ROR1: variants seen among roughly 807,000 people sequenced by gnomAD.
ROR1 encodes the protein ROR family WNT receptor 1.
A neutral mutation model predicts 78.8 loss-of-function variants in ROR1; 19 were observed. The observed-to-expected ratio is 0.24, with a 90% CI of 0.17 to 0.35. The LOEUF (loss-of-function observed/expected upper bound fraction) is 0.35. ROR1 is among the 10% of genes least tolerant of loss of function. ROR1 has a pLI of 1.00. For missense variants in ROR1, 917 were observed against 1,177.8 expected (o/e 0.78, Z 3.24); for synonymous variants, 386 against 433.6 (o/e 0.89, Z 1.36).
chr1:63,897,134 G>T (rs192144819), intron 1 of ROR1, among the ~76,000 whole-genome samples: 1 of 152,130 alleles, frequency 6.6e-6, no homozygotes, highest in Non-Finnish European at 1.5e-5. Flanking sequence ...GCCCTTTCAC[G>T]TATTCATCTG....
At chr1:64,057,855 A>T (rs189205786) in intron 4 of ROR1, among the ~76,000 whole-genome samples, 20 of 152,130 alleles carry the variant, frequency 1.3e-4, no homozygotes, top group African/African-American at 4.6e-4. Context: ...TTTTAGGGTC[A>T]GCTTATTAAT....
chr1:63,917,181 A>AT (rs1645615709), intron 1 of ROR1, among the ~76,000 whole-genome samples: 2 of 152,072 alleles, frequency 1.3e-5, no homozygotes, highest in African/African-American at 4.8e-5. Flanking sequence ...ATAATTATAC[A>AT]TTTGTGTGAT....
At chr1:63,810,694 C>T (rs1053249824) in intron 1 of ROR1, among the ~76,000 whole-genome samples, 8 of 152,258 alleles carry the variant, frequency 5.3e-5, no homozygotes, top group Middle Eastern at 3.4e-3. Flanking sequence ...ATGGAGGTAT[C>T]CACGTATGCA....
intron 1 of ROR1, among the ~76,000 whole-genome samples, chr1:63,807,329 G>A (rs1441529372): frequency 1.3e-5 from 2 of 152,202 alleles, no homozygotes; most frequent in African/African-American, 4.8e-5. Context: ...TCTCTCTGGG[G>A]GGAGCAGCTG....
intron 1 of ROR1, among the ~76,000 whole-genome samples, chr1:63,985,069 A>G (rs951901111): frequency 6.6e-6 from 1 of 152,066 alleles, no homozygotes; most frequent in Non-Finnish European, 1.5e-5. Flanking sequence ...GGTGTGTTGA[A>G]CTCTGGACTA....
chr1:63,832,239 G>T (rs1032161963), intron 1 of ROR1, among the ~76,000 whole-genome samples: 1 of 151,994 alleles, frequency 6.6e-6, no homozygotes. Flanking sequence ...TTCTCTGCCC[G>T]TTACCCAGTT....
At chr1:63,985,641 G>A (rs1646244466) in intron 1 of ROR1, among the ~76,000 whole-genome samples, 1 of 151,942 alleles carries the variant, frequency 6.6e-6, no homozygotes, top group African/African-American at 2.4e-5. Context: ...AGCACTTTGG[G>A]AGGCTGAGGC....
intron 2 of ROR1, among the ~76,000 whole-genome samples, chr1:64,013,884 G>C (rs1371505379): frequency 3.9e-5 from 6 of 152,248 alleles, no homozygotes; most frequent in African/African-American, 1.4e-4. Flanking sequence ...TAGGAAACAT[G>C]GCATTAAATT....
chr1:64,173,715 G>A (rs1650303798), intron 8 of ROR1, among the ~76,000 whole-genome samples: 1 of 152,214 alleles, frequency 6.6e-6, no homozygotes, highest in African/African-American at 2.4e-5. Context: ...CCTCAGTGGA[G>A]GGGAATGCAG....
intron 4 of ROR1, among the ~76,000 whole-genome samples, chr1:64,123,112 A>C (rs891354887): frequency 6.6e-6 from 1 of 152,100 alleles, no homozygotes; most frequent in African/African-American, 2.4e-5. Flanking sequence ...ATCTCTCCTC[A>C]CATGGTCTCC....
intron 4 of ROR1, among the ~76,000 whole-genome samples, chr1:64,091,575 A>G (rs937546612): frequency 6.6e-6 from 1 of 152,070 alleles, no homozygotes; most frequent in Admixed American, 6.6e-5. Context: ...GTTCCTGGGC[A>G]TGTGTCCCAT....
At chr1:64,025,652 C>T (rs535654608) in intron 2 of ROR1, among the ~76,000 whole-genome samples, 2 of 151,842 alleles carry the variant, frequency 1.3e-5, no homozygotes, top group East Asian at 3.9e-4. Context: ...CACACATATA[C>T]ACATATATAT....
At chr1:64,007,956 C>CTTTTTTTT (rs74261212) in intron 1 of ROR1, among the ~76,000 whole-genome samples, 2,179 of 136,780 alleles carry the variant, frequency 0.016, 57 homozygotes, top group African/African-American at 0.063. Flanking sequence ...TGCCCTTGTT[C>CTTTTTTTT]TTTTTTTTTT....
At chr1:63,786,046 AG>A (rs766566729) in intron 1 of ROR1, among the ~76,000 whole-genome samples, 111 of 151,992 alleles carry the variant, frequency 7.3e-4, no homozygotes, top group Non-Finnish European at 1.3e-3. Context: ...CCACTGAGGA[AG>A]GGGGGAGCTG....
chr1:64,109,329 T>C (rs1377662288), intron 4 of ROR1, among the ~76,000 whole-genome samples: 1 of 152,190 alleles, frequency 6.6e-6, no homozygotes, highest in African/African-American at 2.4e-5. Context: ...CACAGTCTTA[T>C]GAGGCTGCTG....
intron 7 of ROR1, chr1:64,142,855 C>T: frequency 1.4e-6 from 2 of 1,402,882 alleles, no homozygotes; most frequent in South Asian, 3.1e-5. Flanking sequence ...AGTCAACTGC[C>T]TTTATACCTG....
intron 4 of ROR1, among the ~76,000 whole-genome samples, chr1:64,061,299 G>A (rs75274247): frequency 6.0e-4 from 91 of 152,152 alleles, no homozygotes; most frequent in African/African-American, 2.1e-3. Context: ...AATGGGTGTC[G>A]GGAACAAAAC....
At chr1:64,089,771 G>A (rs924197849) in intron 4 of ROR1, among the ~76,000 whole-genome samples, 2 of 152,176 alleles carry the variant, frequency 1.3e-5, no homozygotes, top group Non-Finnish European at 2.9e-5. Context: ...GGAAATGTAA[G>A]AAGATGATAC....
At chr1:64,002,782 T>G (rs1646395751) in intron 1 of ROR1, among the ~76,000 whole-genome samples, 1 of 152,178 alleles carries the variant, frequency 6.6e-6, no homozygotes, top group African/African-American at 2.4e-5. Flanking sequence ...CCTTTGGGGA[T>G]TTTAGAATTG....
Sources: gnomAD v4.1 joint callset for allele counts (sites outside exome capture counted in the v4.1 genomes callset) on GRCh38, gnomAD v4.1.1 for gene constraint, MANE v1.5 for transcripts, NCBI Gene and HGNC (gene_info 2026-07-23, HGNC 2026-07-21) for gene names.